ZFAND3: variants seen among roughly 807,000 people sequenced by gnomAD.
The protein encoded by ZFAND3 is zinc finger AN1-type containing 3, also known as AN1-type zinc finger protein 3.
Under a neutral mutation model 29.6 loss-of-function variants are expected in ZFAND3, and 10 were observed. The ratio of observed to expected loss-of-function variants is 0.34; its 90% CI spans 0.21 to 0.57. The LOEUF (loss-of-function observed/expected upper bound fraction) is 0.57, where lower values mean the gene tolerates loss of function less well. Among genes scored for constraint, ZFAND3 ranks in the 20% least tolerant of loss-of-function variants. The probability of loss-of-function intolerance (pLI) is 0.86; values close to 1 mark genes in which losing one functional copy is unlikely to be tolerated. For missense variants in ZFAND3, 230 were observed against 304.5 expected (o/e 0.76, Z 1.82); for synonymous variants, 128 against 112.6 (o/e 1.14, Z -0.87).
intron 1 of ZFAND3, among the ~76,000 whole-genome samples, chr6:37,906,395 C>G (rs571818066): frequency 8.5e-5 from 13 of 152,082 alleles, no homozygotes; most frequent in Non-Finnish European, 1.8e-4. Context: ...GAATAACATT[C>G]CATTGTATGG....
chr6:38,017,604 C>T lies in ZFAND3; in HGVS notation c.113-43989C>T, dbSNP rs549434189. Among the ~76,000 whole-genome samples, 6 of 152,018 alleles carry T rather than the reference C, an allele frequency of 3.9e-5. No individual in the cohort carries two copies. The East Asian group carries it at 9.7e-4, about 24-fold the overall frequency. On this transcript the variant is annotated intron_variant, in intron 2 of 5. Transcript: ENST00000287218. The stretch of plus-strand genomic sequence containing the variant: ...TTCTTAAAGCGGTAAAGGGAATATA[C>T]ATTTTTAGAATTTCTATATTTGATA...
chr6:38,017,979 C>T (rs951722477), intron 2 of ZFAND3, among the ~76,000 whole-genome samples: 1 of 152,176 alleles, frequency 6.6e-6, no homozygotes. Flanking sequence ...TTTGCCCTTC[C>T]CTCCTTTTTG....
chr6:37,854,770 C>G (rs1007786266), intron 1 of ZFAND3, among the ~76,000 whole-genome samples: 4 of 140,650 alleles, frequency 2.8e-5, no homozygotes, highest in African/African-American at 1.0e-4. Context: ...AAATGCCCCC[C>G]CCCCCCTTTT....
In ZFAND3 at chr6:38,076,729, A is replaced by G. The variant is rs543774005; in HGVS notation, c.296-5663A>G. ...AGAATTTCTGTAAACTTAGATTCCA[A>G]CTCACTATATGTATCCTTGTTTTTA... is the stretch of plus-strand genomic sequence containing the variant. On this transcript the variant is annotated intron_variant, in intron 3 of 5. Transcript: ENST00000287218. Among the ~76,000 whole-genome samples, 469 of 152,276 alleles carry G rather than the reference A, an allele frequency of 3.1e-3. 3 individuals carry two copies. Among genetic ancestry groups the G allele is most frequent in the African/African-American group, 0.011 (445 of 41,560 alleles).
intron 2 of ZFAND3, among the ~76,000 whole-genome samples, chr6:38,041,245 A>C (rs1273957319): frequency 6.6e-6 from 1 of 152,216 alleles, no homozygotes; most frequent in African/African-American, 2.4e-5. Context: ...TAGTGTGCTC[A>C]TGTCTCTCCA....
intron 4 of ZFAND3, among the ~76,000 whole-genome samples, chr6:38,083,067 C>A (rs1032458897): frequency 1.3e-5 from 2 of 152,150 alleles, no homozygotes; most frequent in African/African-American, 4.8e-5. Context: ...TTTGCCTTTT[C>A]TAATAATGCT....
At chr6:37,898,970 G>A (rs1470747436) in intron 1 of ZFAND3, among the ~76,000 whole-genome samples, 2 of 151,978 alleles carry the variant, frequency 1.3e-5, no homozygotes, top group African/African-American at 4.8e-5. Flanking sequence ...ATCTCGGCTC[G>A]CTGCAAGCTC....
chr6:37,900,498 A>C (rs1041383416), intron 1 of ZFAND3, among the ~76,000 whole-genome samples: 7 of 152,180 alleles, frequency 4.6e-5, no homozygotes, highest in African/African-American at 7.2e-5. Context: ...GAGTTGTTGC[A>C]ATTTTCATTA....
chr6:37,826,439 A>T (rs1208290859), intron 1 of ZFAND3, among the ~76,000 whole-genome samples: 1 of 152,128 alleles, frequency 6.6e-6, no homozygotes, highest in African/African-American at 2.4e-5. Context: ...ATATGCAGAA[A>T]AGGAGGTTAA....
intron 2 of ZFAND3, among the ~76,000 whole-genome samples, chr6:37,966,957 C>G (rs1267117133): frequency 1.3e-5 from 2 of 152,126 alleles, no homozygotes; most frequent in East Asian, 3.8e-4. Context: ...TCATGTGATG[C>G]AAGCTATGTA....
intron 1 of ZFAND3, among the ~76,000 whole-genome samples, chr6:37,851,295 GT>G (rs2127379192): frequency 6.6e-6 from 1 of 151,748 alleles, no homozygotes; most frequent in East Asian, 1.9e-4. Flanking sequence ...CCATTGATCT[GT>G]TGCCTCTTAC....
intron 2 of ZFAND3, among the ~76,000 whole-genome samples, chr6:37,986,249 A>T (rs936253329): frequency 6.6e-6 from 1 of 152,202 alleles, no homozygotes; most frequent in Admixed American, 6.5e-5. Flanking sequence ...GCCAGTCTAA[A>T]CTACTGCCTG....
At chr6:37,947,348 G>C (rs1761921698) in intron 2 of ZFAND3, among the ~76,000 whole-genome samples, 1 of 151,920 alleles carries the variant, frequency 6.6e-6, no homozygotes, top group Non-Finnish European at 1.5e-5. Flanking sequence ...GCCATAACAG[G>C]CATAATTTAT....
At chr6:37,838,162 T>A (rs529932403) in intron 1 of ZFAND3, among the ~76,000 whole-genome samples, 17 of 152,360 alleles carry the variant, frequency 1.1e-4, no homozygotes, top group Non-Finnish European at 2.5e-4. Context: ...ATCTTTGAAG[T>A]GCTGATATTT....
chr6:38,105,436 C>T (rs1765188946), intron 4 of ZFAND3, among the ~76,000 whole-genome samples: 1 of 152,138 alleles, frequency 6.6e-6, no homozygotes. Context: ...AGTTTGGACA[C>T]ATGGGTTGTG....
At chr6:38,047,718 C>T (rs1763931939) in intron 2 of ZFAND3, among the ~76,000 whole-genome samples, 1 of 152,160 alleles carries the variant, frequency 6.6e-6, no homozygotes, top group South Asian at 2.1e-4. Context: ...TCTCTTTTCC[C>T]TTTGCAGTGA....
chr6:38,116,149 T>G (rs1765412894), intron 4 of ZFAND3, among the ~76,000 whole-genome samples: 1 of 152,168 alleles, frequency 6.6e-6, no homozygotes, highest in African/African-American at 2.4e-5. Flanking sequence ...TAGTCCCATC[T>G]CTAAAGAATT....
intron 2 of ZFAND3, among the ~76,000 whole-genome samples, chr6:37,995,065 T>C (rs1277620063): frequency 6.6e-6 from 1 of 152,120 alleles, no homozygotes; most frequent in Non-Finnish European, 1.5e-5. Flanking sequence ...GAGTAAAAGT[T>C]GGGGATAAAA....
intron 2 of ZFAND3, among the ~76,000 whole-genome samples, chr6:38,010,590 GC>G (rs892312706): frequency 6.8e-6 from 1 of 147,858 alleles, no homozygotes; most frequent in African/African-American, 2.5e-5. Flanking sequence ...TTGCTTTTAC[GC>G]CCCCAACCTT....
Sources: allele counts gnomAD v4.1 joint callset (sites outside exome capture counted in the v4.1 genomes callset), GRCh38; gene constraint gnomAD v4.1.1; transcripts MANE v1.5; gene names NCBI Gene and HGNC (gene_info 2026-07-23, HGNC 2026-07-21).